PIEZO2: variants seen among roughly 807,000 people sequenced by gnomAD.
PIEZO2 encodes piezo type mechanosensitive ion channel component 2, also known as piezo-type mechanosensitive ion channel component 2.
PIEZO2 carries 172 observed loss-of-function variants against 337.3 expected under a neutral mutation model. The ratio of observed to expected loss-of-function variants is 0.51; its 90% CI spans 0.45 to 0.58. The LOEUF (loss-of-function observed/expected upper bound fraction) is 0.58. PIEZO2 is among the 20% of genes least tolerant of loss of function. The pLI is 0.00. For synonymous variants in PIEZO2, 1,251 were observed against 1,228.5 expected (o/e 1.02, Z -0.38); for missense variants, 3,028 against 3,391.3 (o/e 0.89, Z 2.66).
At chr18:10,885,332 G>A (rs1055132459) in intron 4 of PIEZO2, among the ~76,000 whole-genome samples, 3 of 152,166 alleles carry the variant, frequency 2.0e-5, no homozygotes, top group African/African-American at 7.2e-5. Flanking sequence ...GCTGAGGCAG[G>A]AGAATGGCAT....
chr18:10,686,096 G>T (rs993137518), intron 49 of PIEZO2, among the ~76,000 whole-genome samples: 3 of 152,154 alleles, frequency 2.0e-5, no homozygotes, highest in Non-Finnish European at 4.4e-5. Flanking sequence ...CTCTGGGCTT[G>T]CTTCTCTTTT....
rs56275136 is a variant in PIEZO2 at position 11,001,905 on chromosome 18, A to AGAAGGAAG, written c.161-22253_161-22246dup. Among the ~76,000 whole-genome samples, 24,907 of 138,926 alleles carry AGAAGGAAG rather than the reference A, an allele frequency of 0.18. 2,341 individuals are homozygous for AGAAGGAAG. The highest frequency in any genetic ancestry group is 0.21 in the Admixed American group (2,814 of 13,466). The allele number at this position is 138,926 out of a possible 152,430, so 91.1% of individuals were successfully genotyped here. ...AAAAGGAGAAAAAGGGAAGGAAGGAAGAAGGAAGGAAGGAAGGAAGGAAGG... is the reference window on the plus strand; with the variant it reads ...AAAAGGAGAAAAAGGGAAGGAAGGAAGAAGGAAGGAAGGAAGGAAGGAAGGAAGGAAGG... On this transcript the variant is annotated intron_variant, in intron 2 of 55. Transcript: ENST00000674853. This position sits in a 1 kb window ranked among gnomAD's most constrained non-coding sequence, Gnocchi z 5.3.
chr18:10,760,845 G>C (rs1411735429), intron 24 of PIEZO2, 66 bp downstream of exon 24: 2 of 1,346,250 alleles, frequency 1.5e-6, no homozygotes, highest in Non-Finnish European at 2.0e-6. Flanking sequence ...GTGGCCAATT[G>C]GCCAGAAGCA....
At chr18:10,777,866 A>T (rs1568045754) in intron 18 of PIEZO2, among the ~76,000 whole-genome samples, 1 of 152,224 alleles carries the variant, frequency 6.6e-6, no homozygotes, top group Non-Finnish European at 1.5e-5. Flanking sequence ...GCACTCTCAG[A>T]AGATTGTATT....
chr18:10,752,232 A>G (rs2037675803), intron 28 of PIEZO2, among the ~76,000 whole-genome samples: 2 of 152,214 alleles, frequency 1.3e-5, no homozygotes, highest in South Asian at 4.1e-4. Flanking sequence ...TTCTTTCTAG[A>G]TAAGAGCGTT....
intron 3 of PIEZO2, among the ~76,000 whole-genome samples, chr18:10,918,131 T>C (rs9949867): frequency 0.31 from 47,865 of 152,036 alleles, 7,822 homozygotes; most frequent in African/African-American, 0.37. Context: ...ACCCAAGGAA[T>C]ACAATTTTCT....
rs553064623 is a variant in PIEZO2, at chr18:10,871,386, A to G, written c.359T>C (p.Ile120Thr). 53 of 1,537,328 alleles carry G rather than the reference A, an allele frequency of 3.4e-5. 1 individual carries two copies. The South Asian group carries it at 4.6e-4, about 13-fold the overall frequency. ...CCCGATGTCAGGTACAAACACTCTG[A>G]TCCCATTGCCAGCATCAGCTCCCTT... is the stretch of plus-strand genomic sequence containing the variant. ...SLKGADAGNG[I>T]RVFVPDIGMF... is the part of the protein sequence containing the mutation. Residue 120 changes from isoleucine (I) to threonine (T), a missense_variant, in exon 5 of 56, where the codon ATC becomes ACC. By Grantham distance (89) the Ile-to-Thr change is moderately conservative. Around this residue, in one of 5 missense-constraint regions of PIEZO2, gnomAD observed 542 missense variants for 605.6 expected, o/e 0.89. Coordinates refer to ENST00000674853, the MANE Select transcript of PIEZO2 (RefSeq NM_001378183.1).
chr18:11,024,215 CTGTT>C (rs1388288674), intron 2 of PIEZO2, among the ~76,000 whole-genome samples: 1 of 152,118 alleles, frequency 6.6e-6, no homozygotes, highest in Non-Finnish European at 1.5e-5. Context: ...GTGCAAAGTA[CTGTT>C]TGATTACAGA....
chr18:10,687,420 GT>G (rs2034594450), intron 49 of PIEZO2, among the ~76,000 whole-genome samples: 1 of 152,070 alleles, frequency 6.6e-6, no homozygotes, highest in Non-Finnish European at 1.5e-5. Context: ...TTCCGTGATG[GT>G]GAGGCATTGT....
Position 10,697,731 on chromosome 18 carries a change from T to C in PIEZO2, c.6827+17A>G. 1 of 1,611,762 alleles carries C rather than the reference T, an allele frequency of 6.2e-7. No individual in the cohort carries two copies. The highest frequency in any genetic ancestry group is 8.5e-7 in the Non-Finnish European group (1 of 1,179,596). On this transcript the variant is annotated intron_variant, in intron 45 of 55. Coordinates refer to ENST00000674853, the MANE Select transcript of PIEZO2 (RefSeq NM_001378183.1). ...CCTACAATAAAGCACACATGCCATA[T>C]GTTCTCATGGACTCACTTCTTTATG...
intron 12 of PIEZO2, among the ~76,000 whole-genome samples, chr18:10,796,641 A>G (rs1373657830): frequency 1.3e-5 from 2 of 152,254 alleles, no homozygotes; most frequent in African/African-American, 4.8e-5. Context: ...TACAATCTGT[A>G]GTATAAATAT....
chr18:10,734,325 T>C (rs11080449), intron 35 of PIEZO2, among the ~76,000 whole-genome samples: 49,486 of 152,096 alleles, frequency 0.33, 8,854 homozygotes, highest in East Asian at 0.53. Context: ...TGGATGGTGC[T>C]ACTCAAGGCC....
At chr18:11,085,487 C>T (rs568649648) in intron 1 of PIEZO2, among the ~76,000 whole-genome samples, 1 of 152,260 alleles carries the variant, frequency 6.6e-6, no homozygotes, top group Admixed American at 6.5e-5. Flanking sequence ...CAAAATGCAG[C>T]TCCAAGCCCA....
chr18:11,058,118 C>T (rs566401025), intron 2 of PIEZO2, among the ~76,000 whole-genome samples: 50 of 152,248 alleles, frequency 3.3e-4, no homozygotes, highest in African/African-American at 1.2e-3. Flanking sequence ...TTAAGACTGC[C>T]CCAAGACAGC....
In PIEZO2 at chr18:10,955,870, T is replaced by C. The variant is rs546609586; in HGVS notation, c.286+23665A>G. On this transcript the variant is annotated intron_variant, in intron 3 of 55. Transcript: ENST00000674853. ...AGCAAGGATTTAAATTTTTTGTTTG[T>C]TTGTTTTTAAGCTACCATATCCCCA... Among the ~76,000 whole-genome samples, 9 of 152,354 alleles carry C rather than the reference T, an allele frequency of 5.9e-5. No homozygotes were observed. The South Asian group carries it at 1.7e-3, about 28-fold the overall frequency.
At position 11,003,258 on chromosome 18, in the gene PIEZO2, GTTTGTTTTGT is replaced by G. The variant is rs751270298; in HGVS notation, c.161-23608_161-23599del. Among the ~76,000 whole-genome samples, 4 of 151,774 alleles carry G rather than the reference GTTTGTTTTGT, an allele frequency of 2.6e-5. No individual in the cohort carries two copies. The highest frequency in any genetic ancestry group is 6.6e-5 in the Admixed American group (1 of 15,256). ...TAGGATGTGTTTTCTTTTGTTGTTT[GTTTGTTTTGT>G]TTTGTTTTGTTTTGCCAATTCACTT... On this transcript the variant is annotated intron_variant, in intron 2 of 55. Coordinates refer to ENST00000674853, the MANE Select transcript of PIEZO2 (RefSeq NM_001378183.1). This position sits in a 1 kb window ranked among gnomAD's most constrained non-coding sequence, Gnocchi z 4.6.
At chr18:10,816,965 G>A (rs2040383508) in intron 7 of PIEZO2, among the ~76,000 whole-genome samples, 1 of 152,084 alleles carries the variant, frequency 6.6e-6, no homozygotes, top group Non-Finnish European at 1.5e-5. Context: ...ATTAGGCATG[G>A]TACAATTATA....
intron 2 of PIEZO2, among the ~76,000 whole-genome samples, chr18:11,019,812 T>A (rs2036248333): frequency 6.6e-6 from 1 of 152,228 alleles, no homozygotes; most frequent in Non-Finnish European, 1.5e-5. Flanking sequence ...ATCATCTTGT[T>A]TGTTTTCTTA....
intron 2 of PIEZO2, among the ~76,000 whole-genome samples, chr18:11,010,569 G>A (rs1458528291): frequency 1.3e-5 from 2 of 152,124 alleles, no homozygotes; most frequent in African/African-American, 4.8e-5. Context: ...TGGAAGGGTG[G>A]GTACTGGTTA....
Sources: gnomAD v4.1 joint callset for allele counts (sites outside exome capture counted in the v4.1 genomes callset) on GRCh38, gnomAD v4.1.1 for gene constraint, gnomAD v4.1.1 regional missense constraint, Gnocchi (gnomAD v3.1) non-coding constraint, MANE v1.5 for transcripts, NCBI Gene and HGNC (gene_info 2026-07-23, HGNC 2026-07-21) for gene names.